The following RARB variants were observed in gnomAD, a reference collection of about 807,000 sequenced individuals.
RARB encodes HBV-activated protein.
A neutral mutation model predicts 51.9 loss-of-function variants in RARB; 17 were observed. The ratio of observed to expected loss-of-function variants is 0.33; its 90% CI spans 0.22 to 0.49. The LOEUF (loss-of-function observed/expected upper bound fraction) is 0.49. RARB is among the 20% of genes least tolerant of loss of function. RARB has a pLI of 0.99. For synonymous variants in RARB, 215 were observed against 195.4 expected (o/e 1.10, Z -0.84); for missense variants, 369 against 550.8 (o/e 0.67, Z 3.30).
chr3:25,198,136 T>C (rs890581597), intron 5 of RARB, among the ~76,000 whole-genome samples: 1 of 152,042 alleles, frequency 6.6e-6, no homozygotes, highest in African/African-American at 2.4e-5. Flanking sequence ...TACAGTGAAA[T>C]CATATTCAGC....
At chr3:25,519,206 A>G (rs145817000) in intron 3 of RARB, among the ~76,000 whole-genome samples, 104 of 152,322 alleles carry the variant, frequency 6.8e-4, no homozygotes, top group African/African-American at 2.5e-3. Context: ...GTTAGAAGCT[A>G]TTATGAATAA....
At chr3:24,927,137 A>AT (rs1377603228) in intron 2 of RARB, among the ~76,000 whole-genome samples, 9 of 152,140 alleles carry the variant, frequency 5.9e-5, no homozygotes, top group Non-Finnish European at 7.4e-5. Context: ...TTGCAAAACC[A>AT]TTTTTTCCTT....
intron 2 of RARB, among the ~76,000 whole-genome samples, chr3:25,047,206 C>T (rs758922966): frequency 3.9e-5 from 6 of 151,954 alleles, no homozygotes; most frequent in Non-Finnish European, 5.9e-5. Context: ...TAGGTAATTC[C>T]AAGGAAAATA....
chr3:24,981,232 C>T (rs1183494384), intron 2 of RARB, among the ~76,000 whole-genome samples: 2 of 152,182 alleles, frequency 1.3e-5, no homozygotes, highest in Non-Finnish European at 2.9e-5. Context: ...AGTCAGGGAC[C>T]CACTTGAGGA....
At chr3:25,401,540 G>A (rs1165005793) in intron 5 of RARB, among the ~76,000 whole-genome samples, 1 of 152,140 alleles carries the variant, frequency 6.6e-6, no homozygotes, top group East Asian at 1.9e-4. Context: ...AGAAATAAAT[G>A]ATCAGATGGG....
chr3:25,362,852 T>TG (rs950756881), intron 5 of RARB, among the ~76,000 whole-genome samples: 23 of 152,278 alleles, frequency 1.5e-4, no homozygotes, highest in African/African-American at 5.1e-4. Flanking sequence ...CAGTTGGAAA[T>TG]GCAGAGATCA....
At chr3:25,024,028 C>T (rs1206915298) in intron 2 of RARB, among the ~76,000 whole-genome samples, 1 of 152,138 alleles carries the variant, frequency 6.6e-6, no homozygotes, top group Non-Finnish European at 1.5e-5. Flanking sequence ...AGAAACTGGG[C>T]TTAGATAATC....
rs146165457 is a variant in RARB at position 24,835,841 on chromosome 3, C to T, written c.-459+6438C>T. The stretch of plus-strand genomic sequence containing the variant: ...TGGTGAAAGTTGCATTCATTGGCCC[C>T]GGGGGCCCAAGTTATATAGGTCAGT... On this transcript the variant is annotated intron_variant, in intron 1 of 11. Transcript: ENST00000383772. 1.9e-3 allele frequency among the ~76,000 whole-genome samples: 285 copies of T among 152,218 alleles called. 1 individual carries two copies. Among genetic ancestry groups the T allele is most frequent in the Non-Finnish European group, 3.5e-3 (236 of 68,000 alleles).
At chr3:25,135,882 A>C (rs1046799972) in intron 4 of RARB, among the ~76,000 whole-genome samples, 1 of 152,032 alleles carries the variant, frequency 6.6e-6, no homozygotes, top group Non-Finnish European at 1.5e-5. Context: ...AACAGTATTC[A>C]TAATCTTGAA....
At position 24,958,264 on chromosome 3, in the gene RARB, T is replaced by TTTTTTTTTG. The variant is rs1696063764; in HGVS notation, c.-380+99520_-380+99521insGTTTTTTTT. On this transcript the variant is annotated intron_variant, in intron 2 of 11. Coordinates refer to the RARB transcript ENST00000383772. ...TTCCTGAGCTGCTCAGGTTTTTTTT[T>TTTTTTTTTG]TTTTTTTTTTTTTTTTTTTTTTTTT... Among the ~76,000 whole-genome samples, 2 of 117,554 alleles carry TTTTTTTTTG rather than the reference T, an allele frequency of 1.7e-5. 1 individual carries two copies. The highest frequency in any genetic ancestry group is 3.2e-5 in the Non-Finnish European group (2 of 61,852). The allele number at this position is 117,554 out of a possible 152,430, so 77.1% of individuals were successfully genotyped here.
chr3:25,157,571 A>G (rs1388511605), intron 4 of RARB, among the ~76,000 whole-genome samples: 1 of 146,710 alleles, frequency 6.8e-6, no homozygotes, highest in Non-Finnish European at 1.5e-5. Flanking sequence ...CTAATTTTTT[A>G]TTTTTAGTAG....
At chr3:25,180,301 A>T (rs760542568) in intron 5 of RARB, among the ~76,000 whole-genome samples, 7 of 152,224 alleles carry the variant, frequency 4.6e-5, no homozygotes, top group Non-Finnish European at 8.8e-5. Context: ...CGATAAAGAC[A>T]TTCCGGTTGT....
intron 5 of RARB, among the ~76,000 whole-genome samples, chr3:25,327,085 C>A (rs183847330): frequency 2.0e-4 from 30 of 151,922 alleles, no homozygotes; most frequent in Admixed American, 9.8e-4. Flanking sequence ...TGAGAACATG[C>A]GCTGTTTCGT....
intron 5 of RARB, among the ~76,000 whole-genome samples, chr3:25,313,606 C>G (rs1704344042): frequency 6.6e-6 from 1 of 152,152 alleles, no homozygotes; most frequent in African/African-American, 2.4e-5. Context: ...CCACCTTTCT[C>G]CTATTGTACT....
At chr3:25,120,737 A>G (rs1161557570) in intron 3 of RARB, among the ~76,000 whole-genome samples, 4 of 152,192 alleles carry the variant, frequency 2.6e-5, no homozygotes, top group African/African-American at 9.6e-5. Context: ...CATGAAGATG[A>G]ATGACCTACG....
chr3:25,202,158 C>T (rs1276888928), intron 5 of RARB, among the ~76,000 whole-genome samples: 4 of 152,232 alleles, frequency 2.6e-5, no homozygotes, highest in African/African-American at 9.6e-5. Flanking sequence ...CTGATTTAGT[C>T]TTGGGAGGGT....
In RARB at chr3:25,010,609, TG is replaced by T. The variant is rs1697374644; in HGVS notation, c.-379-49513del. Among the ~76,000 whole-genome samples the T allele has an allele frequency of 2.0e-5, 3 of 152,196 alleles. No individual in the cohort carries two copies. In the South Asian group the frequency reaches 6.2e-4, roughly 32 times the overall value. On this transcript the variant is annotated intron_variant, in intron 2 of 11. Coordinates refer to the RARB transcript ENST00000383772. ...GATCTTCTATCTGGTTGCAACAAAG[TG>T]GGCACTTCCACATTCATTACCTCAT...
chr3:25,206,617 C>A (rs895127748), intron 5 of RARB, among the ~76,000 whole-genome samples: 1 of 151,976 alleles, frequency 6.6e-6, no homozygotes, highest in Non-Finnish European at 1.5e-5. Context: ...TTGAGAAACC[C>A]CTTAAAGACA....
chr3:24,893,773 C>A (rs1703431074), intron 2 of RARB, among the ~76,000 whole-genome samples: 1 of 152,040 alleles, frequency 6.6e-6, no homozygotes, highest in Non-Finnish European at 1.5e-5. Flanking sequence ...AATCCTCCTA[C>A]CTTAGTCTCC....
Sources: gnomAD v4.1 joint callset for allele counts (sites outside exome capture counted in the v4.1 genomes callset) on GRCh38, gnomAD v4.1.1 for gene constraint, MANE v1.5 for transcripts, NCBI Gene and HGNC (gene_info 2026-07-23, HGNC 2026-07-21) for gene names.